The following CDH2 variants were observed in gnomAD, a reference collection of about 807,000 sequenced individuals.
CDH2 encodes cadherin 2, also known as cadherin-2.
CDH2 carries 17 observed loss-of-function variants against 92.0 expected under a neutral mutation model. That is an observed-to-expected ratio of 0.18 (90% CI 0.13 to 0.28). The LOEUF is 0.28. Among genes scored for constraint, CDH2 ranks in the 10% least tolerant of loss-of-function variants. The pLI is 1.00. For missense variants in CDH2, 862 were observed against 1,133.1 expected, an observed-to-expected ratio of 0.76 and a Z score of 3.44; for synonymous variants, 419 against 415.9, an observed-to-expected ratio of 1.01 and a Z score of -0.09.
chr18:28,167,877 G>A (rs546669513), intron 1 of CDH2, among the ~76,000 whole-genome samples: 1 of 152,120 alleles, frequency 6.6e-6, no homozygotes, highest in Admixed American at 6.5e-5. Flanking sequence ...ACTTTAGCAA[G>A]AGAGTGGGTG....
intron 2 of CDH2, among the ~76,000 whole-genome samples, chr18:28,105,825 G>A (rs1041299575): frequency 3.9e-5 from 6 of 152,168 alleles, no homozygotes; most frequent in Non-Finnish European, 7.4e-5. Context: ...TTACAAAGAT[G>A]TTTGAAATTA....
At chr18:28,075,857 T>C (rs1242899341) in intron 2 of CDH2, among the ~76,000 whole-genome samples, 1 of 152,196 alleles carries the variant, frequency 6.6e-6, no homozygotes, top group Non-Finnish European at 1.5e-5. Context: ...GTACTCTGGT[T>C]CTGATCTAAA....
In CDH2 at chr18:28,003,736, T is replaced by C. The variant is rs527885235; in HGVS notation, c.848-567A>G. Among the ~76,000 whole-genome samples the C allele has an allele frequency of 3.0e-4, 45 of 152,362 alleles. 2 individuals are homozygous for C. In the South Asian group the frequency reaches 9.1e-3, roughly 31 times the overall value. On this transcript the variant is annotated intron_variant, in intron 6 of 15. Coordinates refer to ENST00000269141, the MANE Select transcript of CDH2 (RefSeq NM_001792.5). The stretch of plus-strand genomic sequence containing the variant: ...TTGCATAGAGATTTGGCATCGTGGT[T>C]CATTATTTCCTCAGTGATTAAAAGA...
intron 2 of CDH2, among the ~76,000 whole-genome samples, chr18:28,034,647 T>A (rs1185702118): frequency 6.6e-6 from 1 of 151,774 alleles, no homozygotes; most frequent in Non-Finnish European, 1.5e-5. Flanking sequence ...TTGCTAAAGT[T>A]CGTATGTCAT....
At chr18:28,029,873 T>G (rs1440666125) in intron 2 of CDH2, among the ~76,000 whole-genome samples, 1 of 152,110 alleles carries the variant, frequency 6.6e-6, no homozygotes, top group Non-Finnish European at 1.5e-5. Flanking sequence ...ATTTTAAATT[T>G]TTCAGAGGTA....
intron 2 of CDH2, among the ~76,000 whole-genome samples, chr18:28,092,058 C>T: frequency 6.6e-6 from 1 of 151,878 alleles, no homozygotes. Flanking sequence ...GAGTAGGGCC[C>T]ACCTGATGAA....
intron 11 of CDH2, 34 bp from the exon 12 acceptor site, chr18:27,985,795 A>G (rs2012213235): frequency 2.4e-6 from 3 of 1,261,924 alleles, no homozygotes; most frequent in East Asian, 2.3e-5. Flanking sequence ...ATGATGCTGA[A>G]CAGTTCTCTC....
At chr18:27,958,557 TTA>T (rs1421129539) in intron 15 of CDH2, among the ~76,000 whole-genome samples, 74 of 149,802 alleles carry the variant, frequency 4.9e-4, no homozygotes, top group African/African-American at 1.2e-3. Flanking sequence ...ACGTGTATAT[TTA>T]TATATGTGTA....
At chr18:27,974,315 T>C (rs1356847962) in intron 14 of CDH2, among the ~76,000 whole-genome samples, 4 of 152,178 alleles carry the variant, frequency 2.6e-5, no homozygotes, top group Non-Finnish European at 5.9e-5. Flanking sequence ...TACTGGAACA[T>C]GCTTGTCCTG....
chr18:27,955,747 TTTTC>T (rs2011228587), intron 15 of CDH2, among the ~76,000 whole-genome samples: 1 of 130,326 alleles, frequency 7.7e-6, no homozygotes, highest in East Asian at 2.4e-4. Context: ...CAAATCTCTG[TTTTC>T]TTTATTTCTG....
Position 28,072,163 on chromosome 18 carries a change from C to T in CDH2, c.173-58254G>A, listed in dbSNP as rs144255925. Among the ~76,000 whole-genome samples, 594 of 152,214 alleles carry T rather than the reference C, an allele frequency of 3.9e-3. 7 individuals are homozygous for T. Among genetic ancestry groups the T allele is most frequent in the South Asian group, 0.023 (110 of 4,818 alleles). ...TTCTCTCCTTCTCCTCTCCCATTTT[C>T]GTGCGTTTTCCTTATCAGTCTCTTC... On this transcript the variant is annotated intron_variant, in intron 2 of 15. Transcript: ENST00000269141.
intron 6 of CDH2, among the ~76,000 whole-genome samples, chr18:27,934,653 C>T (rs1009488436): frequency 1.3e-5 from 2 of 152,082 alleles, no homozygotes; most frequent in Non-Finnish European, 2.9e-5. Flanking sequence ...ATGAAATAGT[C>T]ACACAGCTGT....
At chr18:28,036,397 C>A (rs2013828599) in intron 2 of CDH2, 3 of 789,894 alleles carry the variant, frequency 3.8e-6, no homozygotes, top group Non-Finnish European at 6.8e-6. Context: ...TAAGTCTTCT[C>A]ATTTTATGTT....
chr18:28,004,571 A>AT (rs1257244086), intron 6 of CDH2, among the ~76,000 whole-genome samples: 160 of 152,286 alleles, frequency 1.1e-3, no homozygotes, highest in African/African-American at 3.7e-3. Flanking sequence ...ATTTTAAACA[A>AT]TTTTTGTGAA....
At chr18:28,108,263 G>A (rs1259301765) in intron 2 of CDH2, among the ~76,000 whole-genome samples, 1 of 152,136 alleles carries the variant, frequency 6.6e-6, no homozygotes, top group East Asian at 1.9e-4. Context: ...AAAAAGTGTG[G>A]AAAACTCTCA....
At chr18:27,934,464 G>A (rs1189253855) in intron 6 of CDH2, among the ~76,000 whole-genome samples, 1 of 152,108 alleles carries the variant, frequency 6.6e-6, no homozygotes, top group African/African-American at 2.4e-5. Flanking sequence ...GATACTGCAG[G>A]ATTTTCTTTC....
chr18:28,039,762 G>A (rs936178001), intron 2 of CDH2, among the ~76,000 whole-genome samples: 4 of 152,060 alleles, frequency 2.6e-5, no homozygotes, highest in Non-Finnish European at 4.4e-5. Context: ...AAGTTGTAGG[G>A]TTAGGCAATT....
chr18:28,173,126 G>A lies in CDH2; in HGVS notation c.60+3837C>T, dbSNP rs142531533. Reference sequence around the variant, plus strand: ...GTAAAAAGCAAGAAATATCTAAAAAGTATTTCCTTGTAAAATCTCAGTCTG... The same window carrying A: ...GTAAAAAGCAAGAAATATCTAAAAAATATTTCCTTGTAAAATCTCAGTCTG... On this transcript the variant is annotated intron_variant, in intron 1 of 15. Coordinates refer to ENST00000269141, the MANE Select transcript of CDH2 (RefSeq NM_001792.5). Among the ~76,000 whole-genome samples the A allele has an allele frequency of 2.4e-3, 362 of 152,212 alleles. 1 individual carries two copies. Among genetic ancestry groups the A allele is most frequent in the African/African-American group, 8.2e-3 (342 of 41,580 alleles).
At chr18:28,001,166 T>G (rs1345661898) in intron 7 of CDH2, among the ~76,000 whole-genome samples, 1 of 152,214 alleles carries the variant, frequency 6.6e-6, no homozygotes, top group East Asian at 1.9e-4. Flanking sequence ...CAAGGGGTAG[T>G]GAACAGCTTC....
Sources: allele counts gnomAD v4.1 joint callset (sites outside exome capture counted in the v4.1 genomes callset), GRCh38; gene constraint gnomAD v4.1.1; transcripts MANE v1.5; gene names NCBI Gene and HGNC (gene_info 2026-07-23, HGNC 2026-07-21).